The following DYSF variants were observed in gnomAD, a reference collection of about 807,000 sequenced individuals.
DYSF encodes dysferlin, also known as dystrophy-associated fer-1-like 1.
In DYSF, 212 loss-of-function variants were observed where a neutral mutation model predicts 274.9. The observed-to-expected ratio is 0.77, with a 90% CI of 0.69 to 0.86. DYSF has a LOEUF of 0.86. Among genes scored for constraint, DYSF ranks in the 40% least tolerant of loss-of-function variants. DYSF has a pLI of 0.00. For synonymous variants in DYSF, 1,091 were observed against 1,078.7 expected, an observed-to-expected ratio of 1.01 and a Z score of -0.22; for missense variants, 2,666 against 2,783.2, an observed-to-expected ratio of 0.96 and a Z score of 0.95.
At position 71,590,458 on chromosome 2, in the gene DYSF, G is replaced by A. The variant is rs557341884; in HGVS notation, c.3574+170G>A. ...TCAGGTGCAGCAAACTCTTGTCCAT[G>A]GCCTGCTGGTCTTCTTGGTAGGATC... On this transcript the variant is annotated intron_variant, in intron 32 of 55. Transcript: ENST00000410020. Among the ~76,000 whole-genome samples, 4 of 152,244 alleles carry A rather than the reference G, an allele frequency of 2.6e-5. No homozygotes were observed. In the South Asian group the frequency reaches 8.3e-4, roughly 32 times the overall value.
At chr2:71,665,449 C>A in intron 47 of DYSF, 145 bp downstream of exon 47, 1 of 1,002,898 alleles carries the variant, frequency 1.0e-6, no homozygotes, top group Non-Finnish European at 1.5e-6. Flanking sequence ...CACAGATGGG[C>A]TCCACTTGCA....
At position 71,596,038 on chromosome 2, in the gene DYSF, C is replaced by G. The variant is rs76709723; in HGVS notation, c.3575-2526C>G. 4.6e-3 allele frequency among the ~76,000 whole-genome samples: 680 copies of G among 147,438 alleles called. 8 individuals are homozygous for G. The highest frequency in any genetic ancestry group is 0.016 in the African/African-American group (640 of 39,568). ...TTTTTTTGAGGAGTGGGGTCCCGTG[C>G]AGGGAGAGGCCAGGCCCCTGCACAC... On this transcript the variant is annotated intron_variant, in intron 32 of 55. Transcript: ENST00000410020.
chr2:71,612,570 G>C, intron 38 of DYSF, 71 bp from the exon 39 acceptor site: 5 of 1,592,020 alleles, frequency 3.1e-6, no homozygotes, highest in Middle Eastern at 1.7e-4. Flanking sequence ...GTCATTTTCT[G>C]CTCTTTGGGC....
chr2:71,526,421 C>CTTTGGG, intron 13 of DYSF, 75 bp downstream of exon 13: 1 of 272,072 alleles, frequency 3.7e-6, no homozygotes, highest in Non-Finnish European at 6.7e-6. Flanking sequence ...TGGGCGATGG[C>CTTTGGG]GGGCGGGGTC....
At chr2:71,481,406 C>A (rs191490687) in intron 2 of DYSF, among the ~76,000 whole-genome samples, 1 of 152,224 alleles carries the variant, frequency 6.6e-6, no homozygotes, top group East Asian at 1.9e-4. Flanking sequence ...TGGATGGGGT[C>A]GGATGCACAG....
At position 71,674,253 on chromosome 2, in the gene DYSF, C is replaced by G; in HGVS notation, c.5841C>G (p.Phe1947Leu). Residue 1947 changes from phenylalanine to leucine, a missense_variant, in exon 52 of 56, where the codon TTC (phenylalanine) becomes TTG (leucine). By Grantham distance (22) the Phe-to-Leu change is conservative. Coordinates refer to ENST00000410020, the MANE Select transcript of DYSF (RefSeq NM_001130987.2). ...GCAAAATCCCAGCACGAGTGGTGTT[C>G]CAGATCTGGGACAATGACAAGTTCT... ...TESKIPARVV[F>L]QIWDNDKFSF... The G allele has an allele frequency of 6.2e-7, 1 of 1,614,222 alleles. No individual in the cohort carries two copies.
intron 28 of DYSF, 131 bp from the exon 29 acceptor site, chr2:71,570,468 C>T: frequency 6.9e-7 from 1 of 1,450,388 alleles, no homozygotes; most frequent in Non-Finnish European, 9.5e-7. Context: ...ACCCCCCACT[C>T]CAAGCTGCAA....
At chr2:71,686,412 C>T (rs760776226) in intron 55 of DYSF, 42 bp from the exon 56 acceptor site, 96 of 1,612,552 alleles carry the variant, frequency 6.0e-5, no homozygotes, top group Non-Finnish European at 7.9e-5. Context: ...GTGCCTGCCC[C>T]AGTGGGATCA....
chr2:71,493,834 A>G (rs1431663208), intron 3 of DYSF, among the ~76,000 whole-genome samples: 1 of 118,422 alleles, frequency 8.4e-6, no homozygotes, highest in Non-Finnish European at 1.6e-5. Context: ...CCTGGGTGAT[A>G]GAGTGATACT....
intron 41 of DYSF, among the ~76,000 whole-genome samples, chr2:71,630,117 C>G (rs1315136300): frequency 6.6e-6 from 1 of 152,140 alleles, no homozygotes; most frequent in Non-Finnish European, 1.5e-5. Context: ...CCTTGCTTGT[C>G]AAATACTGGG....
chr2:71,587,303 TGAGAGAGAGC>T (rs1320542184), intron 30 of DYSF, among the ~76,000 whole-genome samples: 2 of 152,148 alleles, frequency 1.3e-5, no homozygotes, highest in South Asian at 2.1e-4. Flanking sequence ...TTTGGGTCCG[TGAGAGAGAGC>T]GAGAGAGGGG....
Position 71,682,610 on chromosome 2 carries a change from C to T in DYSF, c.6254C>T (p.Ala2085Val), listed in dbSNP as rs1271141178. ...ATCCTGTGGCGGCGTTTCCGGTGGG[C>T]CATCATCCTCTTCATCATCCTCTTC... Reference protein sequence around the residue: ...KFILWRRFRWAIILFIILFIL... With the variant: ...KFILWRRFRWVIILFIILFIL... Residue 2085 changes from alanine to valine, a missense_variant, in exon 55 of 56, where the codon GCC (alanine) becomes GTC (valine). Transcript: ENST00000410020. 6.2e-7 allele frequency: 1 copy of T among 1,614,038 alleles called. No individual in the cohort carries two copies. Among genetic ancestry groups the T allele is most frequent in the Non-Finnish European group, 8.5e-7 (1 of 1,180,038 alleles).
chr2:71,519,870 T>G (rs922593221), intron 10 of DYSF, among the ~76,000 whole-genome samples: 1 of 147,132 alleles, frequency 6.8e-6, no homozygotes, highest in African/African-American at 2.5e-5. Flanking sequence ...ACCATGTTGG[T>G]CAGGCTGGTC....
rs2089209523 is a variant in DYSF at position 71,535,316 on chromosome 2, GT to G, written c.1493+7del. 31 of 1,614,098 alleles carry G rather than the reference GT, an allele frequency of 1.9e-5. No homozygotes were observed. Among genetic ancestry groups the G allele is most frequent in the Non-Finnish European group, 2.5e-5 (30 of 1,179,956 alleles). ...GAGGATTCGTATCATAGACTGGTGAGTTCTGAGTCTTGGAGTCTTTAGGGCG... is the reference window on the plus strand; with the variant it reads ...GAGGATTCGTATCATAGACTGGTGAGTCTGAGTCTTGGAGTCTTTAGGGCG... On this transcript the variant is annotated splice_donor_region_variant and intron_variant, in intron 16 of 55. Transcript: ENST00000410020.
intron 41 of DYSF, among the ~76,000 whole-genome samples, chr2:71,638,331 G>A (rs1053037951): frequency 1.4e-5 from 2 of 146,830 alleles, no homozygotes; most frequent in African/African-American, 2.5e-5. Context: ...AACCATGACC[G>A]GAATCCATTT....
rs74596221 is a variant in DYSF, at chr2:71,501,298, C to T, written c.240-1916C>T. 2.5e-3 allele frequency among the ~76,000 whole-genome samples: 388 copies of T among 152,274 alleles called. 2 individuals are homozygous for T. Among genetic ancestry groups the T allele is most frequent in the Non-Finnish European group, 4.9e-3 (330 of 68,010 alleles). On this transcript the variant is annotated intron_variant, in intron 3 of 55. Coordinates refer to ENST00000410020, the MANE Select transcript of DYSF (RefSeq NM_001130987.2). Reference sequence around the variant, plus strand: ...AGCGTATATTACATTTACTGCCTTGCTAGCAAGGGCACGAGCAAGGCGGCA... The same window carrying T: ...AGCGTATATTACATTTACTGCCTTGTTAGCAAGGGCACGAGCAAGGCGGCA...
chr2:71,613,495 A>G (rs919183553), intron 40 of DYSF, 85 bp downstream of exon 40: 6 of 1,147,746 alleles, frequency 5.2e-6, no homozygotes, highest in Non-Finnish European at 7.7e-6. Context: ...CCTACCCTTC[A>G]TTATCACACA....
Position 71,600,783 on chromosome 2 carries a change from AG to A in DYSF, c.3842del (p.Gly1281AlafsTer82), listed in dbSNP as rs2093531358. On this transcript the variant is annotated frameshift_variant, in exon 34 of 56. Coordinates refer to ENST00000410020, the MANE Select transcript of DYSF (RefSeq NM_001130987.2). LOFTEE classifies it high-confidence loss of function. ...MPRLAWFPLT[R>X]GSQPSGELLA... Reference sequence around the variant, plus strand: ...ACGGCTGGCCTGGTTCCCACTGACGAGGGGCAGCCAGCCGTCGGGGGAGCTG... The same window carrying A: ...ACGGCTGGCCTGGTTCCCACTGACGAGGGCAGCCAGCCGTCGGGGGAGCTG... 1 of 1,613,176 alleles carries A rather than the reference AG, an allele frequency of 6.2e-7. No individual in the cohort carries two copies. Among genetic ancestry groups the A allele is most frequent in the South Asian group, 1.1e-5 (1 of 91,082 alleles).
intron 40 of DYSF, among the ~76,000 whole-genome samples, chr2:71,617,992 GTATA>G: frequency 1.4e-5 from 2 of 138,766 alleles, no homozygotes; most frequent in African/African-American, 2.7e-5. Flanking sequence ...TAGAGGTGAG[GTATA>G]TGTGTGTGTG....
Sources: gnomAD v4.1 joint callset for allele counts (sites outside exome capture counted in the v4.1 genomes callset) on GRCh38, gnomAD v4.1.1 for gene constraint, MANE v1.5 for transcripts, NCBI Gene and HGNC (gene_info 2026-07-23, HGNC 2026-07-21) for gene names.